The following CCAR1 variants were observed in gnomAD, a reference collection of about 807,000 sequenced individuals.
CCAR1 encodes cell division cycle and apoptosis regulator 1, also known as cell division cycle and apoptosis regulator protein 1.
A neutral mutation model predicts 163.8 loss-of-function variants in CCAR1; 78 were observed. The observed-to-expected ratio is 0.48, with a 90% CI of 0.40 to 0.57. The LOEUF is 0.57. CCAR1 is among the 20% of genes least tolerant of loss of function. The probability of loss-of-function intolerance (pLI) is 0.00; values close to 1 mark genes in which losing one functional copy is unlikely to be tolerated. For synonymous variants in CCAR1, 443 were observed against 460.7 expected, an observed-to-expected ratio of 0.96 and a Z score of 0.49; for missense variants, 1,019 against 1,365.2, an observed-to-expected ratio of 0.75 and a Z score of 4.00.
rs1030194298 is a variant in CCAR1, at chr10:68,748,879, T to C, written c.827-257T>C. On this transcript the variant is annotated intron_variant, in intron 8 of 24. Transcript: ENST00000265872. ...TTTTTTTAGAGATAGGGTTTTGCCA[T>C]GTTGCCAGAGCTGGTGTTGAACTCC... 2.0e-5 allele frequency among the ~76,000 whole-genome samples: 3 copies of C among 152,028 alleles called. No individual in the cohort carries two copies. The South Asian group carries it at 6.2e-4, about 32-fold the overall frequency.
At chr10:68,744,764 T>C (rs866493087) in intron 6 of CCAR1, among the ~76,000 whole-genome samples, 33 of 152,064 alleles carry the variant, frequency 2.2e-4, no homozygotes, top group Middle Eastern at 6.8e-3. Context: ...TTAATTTCAC[T>C]TTAAACTCAT....
chr10:68,787,027 A>G (rs143541254), intron 21 of CCAR1: 4,703 of 201,784 alleles, frequency 0.023, 83 homozygotes, highest in Non-Finnish European at 0.034. Context: ...GGAGGTTGCA[A>G]TGAGCCAAGA....
Position 68,771,521 on chromosome 10 carries a change from G to A in CCAR1, c.2538+76G>A, listed in dbSNP as rs540996165. 1.4e-4 allele frequency: 179 copies of A among 1,313,110 alleles called. 1 individual carries two copies. In the South Asian group the frequency reaches 1.7e-3, roughly 13 times the overall value. The allele number at this position is 1,313,110 out of a possible 1,614,324, so 81.3% of individuals were successfully genotyped here. ...TAAAGGTTGATGTTGATTTCCATCA[G>A]AATATTAGATGTAAAAGCCAAACTG... On this transcript the variant is annotated intron_variant, in intron 18 of 24. Coordinates refer to ENST00000265872, the MANE Select transcript of CCAR1 (RefSeq NM_018237.4).
At position 68,758,653 on chromosome 10, in the gene CCAR1, A is replaced by G. The variant is rs1214034650; in HGVS notation, c.1920+1276A>G. ...TATGTATATATACACACGTGTATAT[A>G]TATATATATGTATATATACACACGT... On this transcript the variant is annotated intron_variant, in intron 15 of 24. Transcript: ENST00000265872. Among the ~76,000 whole-genome samples, 10 of 107,652 alleles carry G rather than the reference A, an allele frequency of 9.3e-5. No individual in the cohort carries two copies. In the South Asian group the frequency reaches 2.8e-3, roughly 31 times the overall value. The allele number at this position is 107,652 out of a possible 152,430, so 70.6% of individuals were successfully genotyped here.
Position 68,756,689 on chromosome 10 carries a change from G to A in CCAR1, c.1836+206G>A. 1.5e-6 allele frequency: 1 copy of A among 647,638 alleles called. No individual in the cohort carries two copies. The highest frequency in any genetic ancestry group is 2.2e-5 in the Admixed American group (1 of 45,622). 40.1% of individuals were successfully genotyped at this position (647,638 alleles called of 1,614,324 possible). A position where few individuals can be genotyped will look rare whatever the true frequency, so the allele number is the denominator to read the frequency against. On this transcript the variant is annotated intron_variant, in intron 14 of 24. Transcript: ENST00000265872. The surrounding 1 kb of genome is among the most constrained non-coding windows in gnomAD (Gnocchi z 5.1). The stretch of plus-strand genomic sequence containing the variant: ...ATTATCCTAACTTTAAGAGTGCTGA[G>A]ACCTCAAAGGAAAATAAGTTGTGCT...
Position 68,749,633 on chromosome 10 carries a change from C to T in CCAR1, c.1066C>T (p.Arg356Ter). 6.2e-7 allele frequency: 1 copy of T among 1,613,904 alleles called. No homozygotes were observed. Among genetic ancestry groups the T allele is most frequent in the South Asian group, 1.1e-5 (1 of 91,070 alleles). Residue 356 changes from arginine to a stop codon, truncating the protein, a stop_gained, in exon 10 of 25, where the codon CGA (arginine) becomes TGA (stop). Coordinates refer to ENST00000265872, the MANE Select transcript of CCAR1 (RefSeq NM_018237.4). LOFTEE classifies it high-confidence loss of function. ...GCGAGAGCGATCACCTCGGAGAGTT[C>T]GACGTGTTGTTCCACGTTACACAGT... ...RERERSPRRV[R>*]RVVPRYTVQF...
chr10:68,724,363 G>A (rs2055909350), intron 2 of CCAR1, among the ~76,000 whole-genome samples: 2 of 152,014 alleles, frequency 1.3e-5, no homozygotes, highest in Admixed American at 6.6e-5. Flanking sequence ...CTACTCATGA[G>A]GCTGAGGCAG....
At chr10:68,738,707 C>G (rs2056145210) in intron 4 of CCAR1, among the ~76,000 whole-genome samples, 1 of 151,994 alleles carries the variant, frequency 6.6e-6, no homozygotes, top group East Asian at 1.9e-4. Context: ...TCTTACTAAT[C>G]AAATTGTGTA....
At chr10:68,742,144 A>G (rs566201173) in intron 5 of CCAR1, among the ~76,000 whole-genome samples, 7 of 152,294 alleles carry the variant, frequency 4.6e-5, no homozygotes, top group Admixed American at 3.9e-4. Flanking sequence ...CTAAGCCTTT[A>G]TTATGCCAGT....
chr10:68,725,733 G>A (rs1041372675), intron 2 of CCAR1, among the ~76,000 whole-genome samples: 7 of 151,754 alleles, frequency 4.6e-5, no homozygotes, highest in Non-Finnish European at 8.8e-5. Context: ...TTTTTAATTC[G>A]AGGTCAATTT....
At chr10:68,773,569 G>A (rs778046569) in intron 19 of CCAR1, among the ~76,000 whole-genome samples, 27 of 152,046 alleles carry the variant, frequency 1.8e-4, no homozygotes, top group Non-Finnish European at 2.8e-4. Context: ...TGGAGGCTGA[G>A]GCAGGAGAAT....
intron 11 of CCAR1, 93 bp downstream of exon 11, chr10:68,754,170 A>G (rs867177214): frequency 1.2e-6 from 1 of 845,268 alleles, no homozygotes; most frequent in Middle Eastern, 2.8e-4. Context: ...AGTGTTTGTT[A>G]GGTAGACCCG....
chr10:68,783,063 C>A (rs11596667), intron 19 of CCAR1, among the ~76,000 whole-genome samples: 1 of 147,130 alleles, frequency 6.8e-6, no homozygotes, highest in African/African-American at 2.5e-5. Flanking sequence ...AATGCAGTGG[C>A]GTGATCATGG....
At chr10:68,762,905 A>C (rs2056490768) in intron 16 of CCAR1, among the ~76,000 whole-genome samples, 1 of 152,146 alleles carries the variant, frequency 6.6e-6, no homozygotes. Flanking sequence ...CAACCAAATG[A>C]ACTAAGTGAA....
Position 68,756,694 on chromosome 10 carries a change from C to CA in CCAR1, c.1836+214dup. On this transcript the variant is annotated intron_variant, in intron 14 of 24. Transcript: ENST00000265872. The surrounding 1 kb of genome is among the most constrained non-coding windows in gnomAD (Gnocchi z 5.1). ...CCTAACTTTAAGAGTGCTGAGACCTCAAAGGAAAATAAGTTGTGCTTAAAT... is the reference window on the plus strand; with the variant it reads ...CCTAACTTTAAGAGTGCTGAGACCTCAAAAGGAAAATAAGTTGTGCTTAAAT... 1 of 642,484 alleles carries CA rather than the reference C, an allele frequency of 1.6e-6. No homozygotes were observed. The highest frequency in any genetic ancestry group is 2.8e-6 in the Non-Finnish European group (1 of 351,962). 39.8% of individuals were successfully genotyped at this position (642,484 alleles called of 1,614,324 possible). A position where few individuals can be genotyped will look rare whatever the true frequency, so the allele number is the denominator to read the frequency against.
At chr10:68,772,962 A>G (rs920904632) in intron 18 of CCAR1, 26 bp from the exon 19 acceptor site, 1 of 1,189,862 alleles carries the variant, frequency 8.4e-7, no homozygotes, top group Non-Finnish European at 1.2e-6. Context: ...TAAGTAAATA[A>G]ATAATAAAGG....
chr10:68,724,418 T>A (rs1480132264), intron 2 of CCAR1, among the ~76,000 whole-genome samples: 1 of 152,036 alleles, frequency 6.6e-6, no homozygotes, highest in South Asian at 2.1e-4. Flanking sequence ...TGAGCTGATA[T>A]CGCAACGCTA....
chr10:68,774,930 C>G lies in CCAR1; in HGVS notation c.2650+1831C>G, dbSNP rs144078750. 10 of 372,322 alleles carry G rather than the reference C, an allele frequency of 2.7e-5. No individual in the cohort carries two copies. The Admixed American group carries it at 4.2e-4, about 15-fold the overall frequency. 23.1% of individuals were successfully genotyped at this position (372,322 alleles called of 1,614,324 possible). ...TCTGATATAGAAAATTATAAGAGTT[C>G]TTTTTGTTTTTTTTTTTACAGTTTG... On this transcript the variant is annotated intron_variant, in intron 19 of 24. Coordinates refer to ENST00000265872, the MANE Select transcript of CCAR1 (RefSeq NM_018237.4).
chr10:68,760,329 A>G (rs1400541770), intron 15 of CCAR1, among the ~76,000 whole-genome samples: 1 of 152,108 alleles, frequency 6.6e-6, no homozygotes, highest in African/African-American at 2.4e-5. Context: ...TGAGACATTT[A>G]GACTCTTCCC....
Sources: allele counts gnomAD v4.1 joint callset (sites outside exome capture counted in the v4.1 genomes callset), GRCh38; gene constraint gnomAD v4.1.1; non-coding constraint Gnocchi (gnomAD v3.1); transcripts MANE v1.5; gene names NCBI Gene and HGNC (gene_info 2026-07-23, HGNC 2026-07-21).